Variants in ZNF566 observed in about 807,000 individuals in gnomAD.
ZNF566 encodes the protein zinc finger protein 566.
ZNF566 carries 27 observed loss-of-function variants against 32.8 expected under a neutral mutation model. The ratio of observed to expected loss-of-function variants is 0.82; its 90% CI spans 0.61 to 1.14. The LOEUF (loss-of-function observed/expected upper bound fraction) is 1.14. Ranked by LOEUF, ZNF566 falls within the 50% of genes most tolerant of loss-of-function variation. The probability of loss-of-function intolerance (pLI) is 0.00; values close to 1 mark genes in which losing one functional copy is unlikely to be tolerated. For synonymous variants in ZNF566, 154 were observed against 159.5 expected (o/e 0.97, Z 0.26); for missense variants, 402 against 490.4 (o/e 0.82, Z 1.70).
chr19:36,468,633 T>C (rs2033686613), intron 4 of ZNF566, among the ~76,000 whole-genome samples: 1 of 150,522 alleles, frequency 6.6e-6, no homozygotes, highest in African/African-American at 2.5e-5. Flanking sequence ...AGGCAGCTAG[T>C]TTGGGAGCAG....
rs539217922 is a variant in ZNF566, at chr19:36,459,054, A to G, written c.233-9053T>C. The stretch of plus-strand genomic sequence containing the variant: ...ATTTTTATTTGCCAAATATACCTCA[A>G]TAAAGCTAGGGAAAAAGCTGGAATG... On this transcript the variant is annotated intron_variant, in intron 4 of 4. Coordinates refer to ENST00000452939, the MANE Select transcript of ZNF566 (RefSeq NM_001145344.1). 4.6e-5 allele frequency among the ~76,000 whole-genome samples: 7 copies of G among 152,156 alleles called. No homozygotes were observed. In the East Asian group the frequency reaches 7.8e-4, roughly 17 times the overall value.
In ZNF566 at chr19:36,469,290, G is replaced by A. The variant is rs888433397; in HGVS notation, c.232+3621C>T. On this transcript the variant is annotated intron_variant, in intron 4 of 4. Coordinates refer to ENST00000452939, the MANE Select transcript of ZNF566 (RefSeq NM_001145344.1). ...GCGGTGGCTTACGCCTGCAATCCCA[G>A]AATTTGGGAGGCCAAGGCAAGTGGA... Among the ~76,000 whole-genome samples the A allele has an allele frequency of 5.3e-5, 8 of 151,840 alleles. No individual in the cohort carries two copies. The East Asian group carries it at 1.5e-3, about 29-fold the overall frequency.
intron 4 of ZNF566, 40 bp downstream of exon 4, chr19:36,472,871 T>C: frequency 4.5e-6 from 7 of 1,540,676 alleles, no homozygotes; most frequent in Non-Finnish European, 6.2e-6. Context: ...GCAGTCTCTC[T>C]ACCAGCCAAA....
In ZNF566 at chr19:36,476,503, A is replaced by G. The variant is rs969295085; in HGVS notation, c.9+46T>C. ...AGGAAAGCAAATGTTTACAGTTACT[A>G]GAAGTAAAAATCACTCTATCTGAGC... On this transcript the variant is annotated intron_variant, in intron 2 of 4. Transcript: ENST00000452939. 2.6e-6 allele frequency: 4 copies of G among 1,529,502 alleles called. No homozygotes were observed. The Admixed American group carries it at 5.1e-5, about 19-fold the overall frequency. 94.7% of individuals were successfully genotyped at this position (1,529,502 alleles called of 1,614,324 possible). A position where few individuals can be genotyped will look rare whatever the true frequency, so the allele number is the denominator to read the frequency against.
rs2032984864 is a variant in ZNF566 at position 36,446,055 on chromosome 19, CA to C, written c.*2921del. ...GATCATCATCTATTGAAGGAAAATCCAAAATGTACAGTTGAATGTAAAAAAG... is the reference window on the plus strand; with the variant it reads ...GATCATCATCTATTGAAGGAAAATCCAAATGTACAGTTGAATGTAAAAAAG... On this transcript the variant is annotated 3_prime_UTR_variant, in exon 5 of 5. Transcript: ENST00000452939. 1 of 151,966 alleles carries C rather than the reference CA, an allele frequency of 6.6e-6. No individual in the cohort carries two copies. 9.4% of individuals were successfully genotyped at this position (151,966 alleles called of 1,614,324 possible). A position where few individuals can be genotyped will look rare whatever the true frequency, so the allele number is the denominator to read the frequency against.
intron 4 of ZNF566, among the ~76,000 whole-genome samples, chr19:36,463,466 A>G (rs1161731017): frequency 6.6e-6 from 1 of 151,914 alleles, no homozygotes; most frequent in Non-Finnish European, 1.5e-5. Context: ...TACTGTGGTC[A>G]TGGCAAACAT....
In ZNF566 at chr19:36,448,894, A is replaced by C; in HGVS notation, c.*83T>G. The C allele has an allele frequency of 8.6e-7, 1 of 1,164,422 alleles. No individual in the cohort carries two copies. Among genetic ancestry groups the C allele is most frequent in the Non-Finnish European group, 1.2e-6 (1 of 840,008 alleles). The allele number at this position is 1,164,422 out of a possible 1,614,324, so 72.1% of individuals were successfully genotyped here. Reference sequence around the variant, plus strand: ...AAATAAAATGTTTCTACATTATTCTATCTAGAGGAATTATTAACAAGATAA... The same window carrying C: ...AAATAAAATGTTTCTACATTATTCTCTCTAGAGGAATTATTAACAAGATAA... On this transcript the variant is annotated 3_prime_UTR_variant, in exon 5 of 5. Transcript: ENST00000452939.
rs898152356 is a variant in ZNF566, at chr19:36,447,686, G to T, written c.*1291C>A. On this transcript the variant is annotated 3_prime_UTR_variant, in exon 5 of 5. Transcript: ENST00000452939. ...TTATGTTCTCTTTTCTTTTTTACTGGGTATATAATGCGACAAAAAGAGTAT... is the reference window on the plus strand; with the variant it reads ...TTATGTTCTCTTTTCTTTTTTACTGTGTATATAATGCGACAAAAAGAGTAT... 6.6e-6 allele frequency: 1 copy of T among 151,328 alleles called. No individual in the cohort carries two copies. Among genetic ancestry groups the T allele is most frequent in the East Asian group, 1.9e-4 (1 of 5,160 alleles). 9.4% of individuals were successfully genotyped at this position (151,328 alleles called of 1,614,324 possible). A position where few individuals can be genotyped will look rare whatever the true frequency, so the allele number is the denominator to read the frequency against.
At chr19:36,473,662 C>T (rs924449045) in intron 2 of ZNF566, among the ~76,000 whole-genome samples, 1 of 152,088 alleles carries the variant, frequency 6.6e-6, no homozygotes, top group African/African-American at 2.4e-5. Context: ...AATGAAACTG[C>T]CTGAGTATGC....
chr19:36,478,142 C>G (rs1025759051), intron 1 of ZNF566, among the ~76,000 whole-genome samples: 1 of 151,742 alleles, frequency 6.6e-6, no homozygotes, highest in Non-Finnish European at 1.5e-5. Context: ...CTTCCTCTAC[C>G]CATAGGCACT....
intron 4 of ZNF566, among the ~76,000 whole-genome samples, chr19:36,457,422 G>C (rs1371169418): frequency 6.6e-6 from 1 of 152,084 alleles, no homozygotes; most frequent in Non-Finnish European, 1.5e-5. Context: ...CCTTGTATCT[G>C]GTAAGATGCT....
intron 4 of ZNF566, 145 bp downstream of exon 4, chr19:36,472,766 T>C (rs1391142779): frequency 8.0e-6 from 5 of 626,154 alleles, no homozygotes; most frequent in Non-Finnish European, 1.4e-5. Context: ...AGGGGAAAGG[T>C]AGGATCATTT....
At chr19:36,483,372 C>T (rs1355880278) in intron 1 of ZNF566, among the ~76,000 whole-genome samples, 1 of 152,140 alleles carries the variant, frequency 6.6e-6, no homozygotes, top group East Asian at 1.9e-4. Flanking sequence ...ACACCAAGTG[C>T]CCAGATCTTG....
rs1292629916 is a variant in ZNF566 at position 36,477,527 on chromosome 19, T to G, written c.-59-911A>C. Among the ~76,000 whole-genome samples the G allele has an allele frequency of 2.0e-3, 197 of 98,110 alleles. 2 individuals carry two copies. Among genetic ancestry groups the G allele is most frequent in the Admixed American group, 2.9e-3 (32 of 11,068 alleles). 64.4% of individuals were successfully genotyped at this position (98,110 alleles called of 152,430 possible). On this transcript the variant is annotated intron_variant, in intron 1 of 4. Transcript: ENST00000452939. ...GGGTCAAACCAGTTTTCTGTTTCTG[T>G]TTTTTTTTTGTTTGTTTGTTTGTTT...
intron 4 of ZNF566, among the ~76,000 whole-genome samples, chr19:36,451,409 T>C (rs986079038): frequency 1.3e-5 from 2 of 152,120 alleles, no homozygotes; most frequent in African/African-American, 4.8e-5. Context: ...TGACCTTTGT[T>C]AAAGAGAAGA....
chr19:36,452,240 G>T (rs2033176581), intron 4 of ZNF566, among the ~76,000 whole-genome samples: 1 of 151,512 alleles, frequency 6.6e-6, no homozygotes, highest in Non-Finnish European at 1.5e-5. Context: ...GGTTACAGAG[G>T]GACAGGATCT....
intron 1 of ZNF566, among the ~76,000 whole-genome samples, chr19:36,477,675 A>G (rs1054528073): frequency 1.5e-4 from 23 of 151,820 alleles, no homozygotes; most frequent in Non-Finnish European, 2.9e-4. Flanking sequence ...AGTAGCTGGG[A>G]CTACAGGCTC....
At chr19:36,471,018 C>T (rs1332494721) in intron 4 of ZNF566, among the ~76,000 whole-genome samples, 2 of 151,166 alleles carry the variant, frequency 1.3e-5, no homozygotes, top group East Asian at 3.9e-4. Flanking sequence ...ATCATCCTGG[C>T]TAACATGGTG....
At chr19:36,474,159 C>T (rs1475256650) in intron 2 of ZNF566, among the ~76,000 whole-genome samples, 1 of 152,080 alleles carries the variant, frequency 6.6e-6, no homozygotes, top group Non-Finnish European at 1.5e-5. Context: ...AAGAAGACAA[C>T]ATAGGATTCA....
Sources: gnomAD v4.1 joint callset for allele counts (sites outside exome capture counted in the v4.1 genomes callset) on GRCh38, gnomAD v4.1.1 for gene constraint, MANE v1.5 for transcripts, NCBI Gene and HGNC (gene_info 2026-07-23, HGNC 2026-07-21) for gene names.